The following SMPD3 variants were observed in gnomAD, a reference collection of about 807,000 sequenced individuals.
The protein encoded by SMPD3 is sphingomyelin phosphodiesterase 3, also known as nSMase-2.
Under a neutral mutation model 55.7 loss-of-function variants are expected in SMPD3, and 21 were observed. That is an observed-to-expected ratio of 0.38 (90% CI 0.27 to 0.54). SMPD3 has a LOEUF of 0.54. Ranked by LOEUF, SMPD3 falls within the 20% of genes least tolerant of loss-of-function variation. The pLI is 0.80. For synonymous variants in SMPD3, 457 were observed against 404.3 expected (o/e 1.13, Z -1.56); for missense variants, 842 against 899.6 (o/e 0.94, Z 0.82).
At chr16:68,389,223 C>T (rs2090089541) in intron 1 of SMPD3, among the ~76,000 whole-genome samples, 1 of 152,162 alleles carries the variant, frequency 6.6e-6, no homozygotes, top group African/African-American at 2.4e-5. Flanking sequence ...GGAAAGTGGG[C>T]CGTTTACCTA....
chr16:68,364,531 T>C (rs2089417232), intron 5 of SMPD3: 3 of 568,230 alleles, frequency 5.3e-6, no homozygotes, highest in South Asian at 5.3e-5. Flanking sequence ...CAGAGGTTCG[T>C]TTTTAGGGCA....
At chr16:68,405,075 T>C (rs1425841703) in intron 1 of SMPD3, among the ~76,000 whole-genome samples, 1 of 152,196 alleles carries the variant, frequency 6.6e-6, no homozygotes. Flanking sequence ...CTAGGACCTA[T>C]AGCTTTTGGG....
chr16:68,371,310 C>T lies in SMPD3; in HGVS notation c.872G>A (p.Ser291Asn), dbSNP rs746588583. The T allele has an allele frequency of 2.5e-6, 4 of 1,599,666 alleles. No homozygotes were observed. The highest frequency in any genetic ancestry group is 2.2e-5 in the South Asian group (2 of 90,694). Residue 291 changes from serine (S) to asparagine (N), a missense_variant, in exon 3 of 9, where the codon AGC becomes AAC. Coordinates refer to ENST00000219334, the MANE Select transcript of SMPD3 (RefSeq NM_018667.4). ...CCGGGAGGCCGAGGGGCTGCCCAGGCTCCCTGAATCCCCGTCCTGCTGATT... is the reference window on the plus strand; with the variant it reads ...CCGGGAGGCCGAGGGGCTGCCCAGGTTCCCTGAATCCCCGTCCTGCTGATT... ...NHNQQDGDSGSLGSPSASRES... is the reference protein window; with the variant it reads ...NHNQQDGDSGNLGSPSASRES...
Position 68,370,947 on chromosome 16 carries a change from C to T in SMPD3, c.1235G>A (p.Arg412His), listed in dbSNP as rs1475905960. The stretch of plus-strand genomic sequence containing the variant: ...ATAGGCCACGTCCATGATGGGGTAG[C>T]GGCTGGCAAAGAGGAGGCCGCTGTT... ...CLNSGLLFAS[R>H]YPIMDVAYHC... is the part of the protein sequence containing the mutation. The change falls in exon 3 of 9, where the codon CGC becomes CAC. Residue 412 changes from arginine to histidine, a missense_variant. Arg to His is a conservative substitution (Grantham distance 29). This residue lies in a region of SMPD3 where 649 missense variants were observed against 643.6 expected (regional missense o/e 1.01). Transcript: ENST00000219334. The T allele has an allele frequency of 6.2e-6, 10 of 1,614,120 alleles. No individual in the cohort carries two copies. The highest frequency in any genetic ancestry group is 4.5e-5 in the East Asian group (2 of 44,886).
In SMPD3 at chr16:68,371,427, CCCT is replaced by C. The variant is rs1244724589; in HGVS notation, c.752_754del (p.Glu251del). On this transcript the variant is annotated inframe_deletion, in exon 3 of 9. Coordinates refer to ENST00000219334, the MANE Select transcript of SMPD3 (RefSeq NM_018667.4). Reference sequence around the variant, plus strand: ...GTCGTCAGCTTCAGGTGGCCGGCCGCCCTCCTCGCCACCGATGCGCACGATGCA... The same window carrying C: ...GTCGTCAGCTTCAGGTGGCCGGCCGCCCTCGCCACCGATGCGCACGATGCA... The C allele has an allele frequency of 6.3e-7, 1 of 1,574,822 alleles. No individual in the cohort carries two copies. Among genetic ancestry groups the C allele is most frequent in the Non-Finnish European group, 8.6e-7 (1 of 1,168,570 alleles).
At chr16:68,372,558 C>G (rs1347564160) in intron 2 of SMPD3, among the ~76,000 whole-genome samples, 171 bp from the exon 3 acceptor site, 1 of 152,214 alleles carries the variant, frequency 6.6e-6, no homozygotes, top group Non-Finnish European at 1.5e-5. Flanking sequence ...AGACAGCCCC[C>G]GCACACCGCT....
At chr16:68,384,568 G>A (rs966639311) in intron 2 of SMPD3, among the ~76,000 whole-genome samples, 4 of 152,174 alleles carry the variant, frequency 2.6e-5, no homozygotes, top group Non-Finnish European at 4.4e-5. Flanking sequence ...CAGAAGGAGG[G>A]ACGGCCTTGT....
intron 1 of SMPD3, among the ~76,000 whole-genome samples, chr16:68,436,193 A>G (rs2090521807): frequency 6.6e-6 from 1 of 152,240 alleles, no homozygotes; most frequent in Non-Finnish European, 1.5e-5. Flanking sequence ...CCAGAGACAT[A>G]GGTGATATAT....
intron 2 of SMPD3, chr16:68,382,350 C>CT (rs2089967258): frequency 6.6e-6 from 1 of 152,264 alleles, no homozygotes; most frequent in Admixed American, 6.5e-5. Flanking sequence ...CCAGGTGTGG[C>CT]TAGCTGACAG....
Position 68,364,879 on chromosome 16 carries a change from A to T in SMPD3, c.1427T>A (p.Leu476Gln). Residue 476 changes from leucine to glutamine, a missense_variant, in exon 5 of 9, where the codon CTG becomes CAG. Leu to Gln is a moderately radical substitution (Grantham distance 113). This residue lies in a region of SMPD3 where 649 missense variants were observed against 643.6 expected (regional missense o/e 1.01). Transcript: ENST00000219334. ...AGCCAGCCAGTCCTGAAGCAGGTCC[A>T]GCTGCCCACACCGGATGGCGCTGTC... is the stretch of plus-strand genomic sequence containing the variant. Reference protein sequence around the residue: ...QEDSAIRCGQLDLLQDWLADF... With the variant: ...QEDSAIRCGQQDLLQDWLADF... 6.2e-7 allele frequency: 1 copy of T among 1,613,966 alleles called. No homozygotes were observed. Among genetic ancestry groups the T allele is most frequent in the Non-Finnish European group, 8.5e-7 (1 of 1,179,984 alleles).
intron 2 of SMPD3, among the ~76,000 whole-genome samples, chr16:68,385,721 C>T (rs553674974): frequency 5.3e-5 from 8 of 152,226 alleles, no homozygotes; most frequent in Admixed American, 4.6e-4. Context: ...TGTCAGGGGT[C>T]ACTAGTTTCT....
Position 68,358,749 on chromosome 16 carries a change from C to T in SMPD3, c.*2457G>A, listed in dbSNP as rs2089010406. 1 of 152,510 alleles carries T rather than the reference C, an allele frequency of 6.6e-6. No homozygotes were observed. Among genetic ancestry groups the T allele is most frequent in the Non-Finnish European group, 1.5e-5 (1 of 68,048 alleles). The allele number at this position is 152,510 out of a possible 1,614,324, so 9.4% of individuals were successfully genotyped here. A position where few individuals can be genotyped will look rare whatever the true frequency, so the allele number is the denominator to read the frequency against. ...ACTGGGCCTAGGGCAGGAACAGAGTCTTGGTATGGGCCTCGGGTGACCCGT... is the reference window on the plus strand; with the variant it reads ...ACTGGGCCTAGGGCAGGAACAGAGTTTTGGTATGGGCCTCGGGTGACCCGT... On this transcript the variant is annotated 3_prime_UTR_variant, in exon 9 of 9. Coordinates refer to ENST00000219334, the MANE Select transcript of SMPD3 (RefSeq NM_018667.4).
chr16:68,362,907 G>T (rs2089356559), intron 7 of SMPD3, among the ~76,000 whole-genome samples: 1 of 152,208 alleles, frequency 6.6e-6, no homozygotes, highest in Non-Finnish European at 1.5e-5. Context: ...GCTCAAATTA[G>T]CTGCAAGGAA....
Position 68,361,626 on chromosome 16 carries a change from C to T in SMPD3, c.1843G>A (p.Gly615Arg). The T allele has an allele frequency of 6.2e-7, 1 of 1,610,038 alleles. No individual in the cohort carries two copies. The highest frequency in any genetic ancestry group is 8.5e-7 in the Non-Finnish European group (1 of 1,179,946). The change falls in exon 8 of 9, where the codon GGG becomes AGG. Residue 615 changes from glycine to arginine, a missense_variant. Gly to Arg is a moderately radical substitution (Grantham distance 125). This residue lies in a region of SMPD3 where 649 missense variants were observed against 643.6 expected (regional missense o/e 1.01). Transcript: ENST00000219334. ...ACGGCCTTCCAGTCTGGGCACAGCC[C>T]CTCCTCTGCATGCAGCATGTAGTCG... ...RIDYMLHAEE[G>R]LCPDWKAEVE...
chr16:68,386,138 CT>C (rs1301912894), intron 2 of SMPD3, among the ~76,000 whole-genome samples: 1 of 151,596 alleles, frequency 6.6e-6, no homozygotes, highest in African/African-American at 2.4e-5. Context: ...GAGAGGAACA[CT>C]TGAGCCCGGG....
chr16:68,365,545 C>T (rs527610978), intron 3 of SMPD3, among the ~76,000 whole-genome samples: 11 of 152,194 alleles, frequency 7.2e-5, no homozygotes, highest in South Asian at 2.1e-4. Context: ...TGTGCCATGG[C>T]GTGGCCTCAG....
rs1244196188 is a variant in SMPD3 at position 68,372,060 on chromosome 16, G to A, written c.122C>T (p.Thr41Ile). Residue 41 changes from threonine to isoleucine, a missense_variant, in exon 3 of 9, where the codon ACC becomes ATC. Transcript: ENST00000219334. ...TGCCCGCTGGCGCTTCTCGTAGGTG[G>A]TGGGTATGAAGGAGGCAGCGAGCCG... is the stretch of plus-strand genomic sequence containing the variant. The part of the protein sequence containing the change: ...VDRLAASFIP[T>I]TYEKRQRADD... The A allele has an allele frequency of 1.2e-6, 2 of 1,608,584 alleles. No homozygotes were observed. Among genetic ancestry groups the A allele is most frequent in the Admixed American group, 1.7e-5 (1 of 58,750 alleles).
At chr16:68,370,312 G>A (rs2089618704) in intron 3 of SMPD3, 1 of 154,146 alleles carries the variant, frequency 6.5e-6, no homozygotes, top group African/African-American at 2.4e-5. Context: ...AGGAGGGAGG[G>A]GTGTCCAGGC....
At chr16:68,426,991 CTTTTTTTTTTT>C (rs56214206) in intron 1 of SMPD3, among the ~76,000 whole-genome samples, 1 of 112,124 alleles carries the variant, frequency 8.9e-6, no homozygotes, top group African/African-American at 3.6e-5. Flanking sequence ...TCAGGTCTAT[CTTTTTTTTTTT>C]TTTTTTTTTT....
Sources: gnomAD v4.1 joint callset for allele counts (sites outside exome capture counted in the v4.1 genomes callset) on GRCh38, gnomAD v4.1.1 for gene constraint, gnomAD v4.1.1 regional missense constraint, MANE v1.5 for transcripts, NCBI Gene and HGNC (gene_info 2026-07-23, HGNC 2026-07-21) for gene names.